The following MYRIP variants were observed in gnomAD, a reference collection of about 807,000 sequenced individuals.
The protein encoded by MYRIP is myosin VIIA and Rab interacting protein.
In MYRIP, 49 loss-of-function variants were observed where a neutral mutation model predicts 98.0. The ratio of observed to expected loss-of-function variants is 0.50; its 90% CI spans 0.40 to 0.63. MYRIP has a LOEUF of 0.63. MYRIP is among the 30% of genes least tolerant of loss of function. MYRIP has a pLI of 0.00. For missense variants in MYRIP, 1,004 were observed against 1,058.2 expected (o/e 0.95, Z 0.71); for synonymous variants, 404 against 409.5 (o/e 0.99, Z 0.16).
At chr3:39,881,408 C>T (rs1943152523) in intron 1 of MYRIP, among the ~76,000 whole-genome samples, 1 of 152,170 alleles carries the variant, frequency 6.6e-6, no homozygotes, top group Admixed American at 6.6e-5. Flanking sequence ...TGCTGCTCCC[C>T]AGTTGTGAAA....
At chr3:40,135,137 A>G (rs1337550866) in intron 3 of MYRIP, among the ~76,000 whole-genome samples, 1 of 152,216 alleles carries the variant, frequency 6.6e-6, no homozygotes, top group Admixed American at 6.5e-5. Context: ...AACTTTGAAA[A>G]AAAATTAGAT....
At chr3:39,936,190 G>C (rs899149516) in intron 2 of MYRIP, among the ~76,000 whole-genome samples, 1 of 152,158 alleles carries the variant, frequency 6.6e-6, no homozygotes, top group Non-Finnish European at 1.5e-5. Context: ...CTGCAATAAT[G>C]AGTGAAGAGT....
At chr3:40,133,051 T>G (rs1452174168) in intron 3 of MYRIP, among the ~76,000 whole-genome samples, 1 of 152,268 alleles carries the variant, frequency 6.6e-6, no homozygotes, top group African/African-American at 2.4e-5. Flanking sequence ...TGGACATTCA[T>G]ACCTGTGTGG....
intron 2 of MYRIP, among the ~76,000 whole-genome samples, chr3:39,958,544 A>G (rs1331798152): frequency 1.3e-5 from 2 of 152,228 alleles, no homozygotes; most frequent in Non-Finnish European, 2.9e-5. Flanking sequence ...TGGATTAAAG[A>G]CTTAAATGTT....
intron 1 of MYRIP, among the ~76,000 whole-genome samples, chr3:39,889,293 C>G (rs370645763): frequency 6.6e-6 from 1 of 151,980 alleles, no homozygotes; most frequent in Non-Finnish European, 1.5e-5. Context: ...TGTCCAACAA[C>G]GATAGACTGG....
chr3:39,820,222 T>C (rs751034275), intron 1 of MYRIP, among the ~76,000 whole-genome samples: 16 of 152,230 alleles, frequency 1.1e-4, no homozygotes, highest in Non-Finnish European at 1.9e-4. Flanking sequence ...TCCTGGTGGC[T>C]CAGATAACAG....
rs1458709595 is a variant in MYRIP, at chr3:39,828,777, A to G, written c.-31+18861A>G. ...ATTTCACTTAGAATAATAGTCTCTA[A>G]TCTCATCCAGGCCATTGCAAATGCT... On this transcript the variant is annotated intron_variant, in intron 1 of 16. Coordinates refer to ENST00000302541, the MANE Select transcript of MYRIP (RefSeq NM_015460.4). Among the ~76,000 whole-genome samples the G allele has an allele frequency of 2.0e-5, 3 of 152,144 alleles. No homozygotes were observed. In the East Asian group the frequency reaches 5.8e-4, roughly 29 times the overall value.
At chr3:39,923,011 C>T (rs775478262) in intron 2 of MYRIP, among the ~76,000 whole-genome samples, 27 of 151,620 alleles carry the variant, frequency 1.8e-4, no homozygotes, top group Admixed American at 1.2e-3. Context: ...AAAGTCTCCG[C>T]GAGGAAATAA....
Position 39,996,774 on chromosome 3 carries a change from G to T in MYRIP, c.111-47276G>T, listed in dbSNP as rs1355131879. Among the ~76,000 whole-genome samples the T allele has an allele frequency of 1.1e-4, 16 of 152,094 alleles. No homozygotes were observed. The East Asian group carries it at 2.7e-3, about 26-fold the overall frequency. ...CACACCTATTCCAAAATTGACCACA[G>T]GGTTGGAAGTAAAGCACTCCTCAGC... On this transcript the variant is annotated intron_variant, in intron 2 of 16. Transcript: ENST00000302541.
chr3:40,226,460 G>C (rs1559464975), intron 11 of MYRIP, among the ~76,000 whole-genome samples: 1 of 152,100 alleles, frequency 6.6e-6, no homozygotes, highest in Non-Finnish European at 1.5e-5. Flanking sequence ...TGCGACCTTT[G>C]ATTGGAGCTG....
chr3:39,956,847 A>T (rs1004688566), intron 2 of MYRIP, among the ~76,000 whole-genome samples: 4 of 151,824 alleles, frequency 2.6e-5, no homozygotes, highest in African/African-American at 9.7e-5. Context: ...TAAAGGGGAT[A>T]TCACCACCGA....
At chr3:40,000,171 A>G (rs184944695) in intron 2 of MYRIP, among the ~76,000 whole-genome samples, 1 of 151,578 alleles carries the variant, frequency 6.6e-6, no homozygotes, top group Non-Finnish European at 1.5e-5. Flanking sequence ...AAACTTTAAT[A>G]AAAAAAATTA....
chr3:40,141,567 T>C (rs915159202), intron 3 of MYRIP, among the ~76,000 whole-genome samples: 2 of 152,246 alleles, frequency 1.3e-5, no homozygotes, highest in African/African-American at 4.8e-5. Flanking sequence ...CTAACACTTT[T>C]ATTACTTTAG....
rs1472811737 is a variant in MYRIP at position 40,216,267 on chromosome 3, G to A, written c.1905+6174G>A. Among the ~76,000 whole-genome samples, 4 of 152,152 alleles carry A rather than the reference G, an allele frequency of 2.6e-5. No homozygotes were observed. In the East Asian group the frequency reaches 7.7e-4, roughly 29 times the overall value. On this transcript the variant is annotated intron_variant, in intron 11 of 16. Coordinates refer to ENST00000302541, the MANE Select transcript of MYRIP (RefSeq NM_015460.4). ...AAAGAAAGGCAGAGTTACTCCAAAAGGTTTTAAGTAGAAAGGCCTGGCAAG... is the reference window on the plus strand; with the variant it reads ...AAAGAAAGGCAGAGTTACTCCAAAAAGTTTTAAGTAGAAAGGCCTGGCAAG...
Position 40,039,726 on chromosome 3 carries a change from C to CT in MYRIP, c.111-4312dup, listed in dbSNP as rs34636704. On this transcript the variant is annotated intron_variant, in intron 2 of 16. Coordinates refer to ENST00000302541, the MANE Select transcript of MYRIP (RefSeq NM_015460.4). ...GGAAAGTTTGTACTTACTGTTTTCC[C>CT]TTTTTTTTTTTTAGGTAGAAACTAT... Among the ~76,000 whole-genome samples the CT allele has an allele frequency of 4.7e-5, 7 of 148,446 alleles. No individual in the cohort carries two copies. The East Asian group carries it at 7.9e-4, about 17-fold the overall frequency.
chr3:39,864,925 A>C (rs1362179605), intron 1 of MYRIP, among the ~76,000 whole-genome samples: 1 of 152,220 alleles, frequency 6.6e-6, no homozygotes, highest in Non-Finnish European at 1.5e-5. Flanking sequence ...ACAGTAACCA[A>C]AACAGTACAG....
intron 9 of MYRIP, among the ~76,000 whole-genome samples, chr3:40,183,426 GA>G (rs1950944218): frequency 6.6e-6 from 1 of 152,212 alleles, no homozygotes. Context: ...AACATGTATG[GA>G]ATGTGGTCCT....
chr3:40,053,304 T>C (rs11920120), intron 3 of MYRIP, among the ~76,000 whole-genome samples: 44,247 of 151,974 alleles, frequency 0.29, 6,521 homozygotes, highest in East Asian at 0.36. Context: ...GTTAAGATAC[T>C]GCCCTGTCTA....
chr3:40,077,916 GC>G (rs1559390601), intron 3 of MYRIP, among the ~76,000 whole-genome samples: 1 of 152,220 alleles, frequency 6.6e-6, no homozygotes, highest in East Asian at 1.9e-4. Context: ...CGCGCCCTGC[GC>G]CCTGCGCCCG....
Sources: gnomAD v4.1 joint callset for allele counts (sites outside exome capture counted in the v4.1 genomes callset) on GRCh38, gnomAD v4.1.1 for gene constraint, MANE v1.5 for transcripts, NCBI Gene and HGNC (gene_info 2026-07-23, HGNC 2026-07-21) for gene names.